ATG10: variants seen among roughly 807,000 people sequenced by gnomAD.
ATG10 encodes the protein autophagy related 10, also known as ubiquitin-like-conjugating enzyme ATG10.
In ATG10, 30 loss-of-function variants were observed where a neutral mutation model predicts 32.1. The ratio of observed to expected loss-of-function variants is 0.94; its 90% CI spans 0.70 to 1.27. The LOEUF (loss-of-function observed/expected upper bound fraction) is 1.27. Among genes scored for constraint, ATG10 ranks in the 50% most tolerant of loss-of-function variants. The pLI, the probability that ATG10 is intolerant of heterozygous loss-of-function variation, is 0.00. For missense variants in ATG10, 233 were observed against 262.3 expected, an observed-to-expected ratio of 0.89 and a Z score of 0.77; for synonymous variants, 87 against 91.5, an observed-to-expected ratio of 0.95 and a Z score of 0.28.
intron 5 of ATG10, among the ~76,000 whole-genome samples, chr5:82,203,829 A>G (rs1391512119): frequency 2.6e-5 from 4 of 152,202 alleles, no homozygotes. Context: ...TGGAGATAAA[A>G]GGATCTAACC....
chr5:82,253,901 A>G (rs1298351574), intron 7 of ATG10, among the ~76,000 whole-genome samples, 167 bp from the exon 8 acceptor site: 2 of 152,186 alleles, frequency 1.3e-5, no homozygotes, highest in African/African-American at 4.8e-5. Flanking sequence ...CCTGGTGCCA[A>G]AAAGGTTGGG....
chr5:81,972,518 C>T (rs1217872479), intron 1 of ATG10: 2 of 152,266 alleles, frequency 1.3e-5, no homozygotes, highest in South Asian at 2.1e-4. Context: ...GACACTCCCT[C>T]CTCGGGGACC....
At chr5:82,004,663 A>G (rs1761940762) in intron 2 of ATG10, among the ~76,000 whole-genome samples, 1 of 152,198 alleles carries the variant, frequency 6.6e-6, no homozygotes, top group African/African-American at 2.4e-5. Flanking sequence ...CCTAGGGTGC[A>G]TGACGAGTAT....
At chr5:82,191,712 T>G (rs1297092313) in intron 5 of ATG10, among the ~76,000 whole-genome samples, 1 of 152,212 alleles carries the variant, frequency 6.6e-6, no homozygotes. Context: ...GGTATTGTAT[T>G]ATTATTTTAA....
chr5:82,027,075 AAAAT>A (rs10601125), intron 2 of ATG10, among the ~76,000 whole-genome samples: 113,998 of 144,648 alleles, frequency 0.79, 47,495 homozygotes, highest in East Asian at 0.98. Flanking sequence ...ATGAATAAAT[AAAAT>A]AAATAAATAA....
At chr5:82,098,311 T>G (rs1313133157) in intron 3 of ATG10, among the ~76,000 whole-genome samples, 3 of 141,698 alleles carry the variant, frequency 2.1e-5, no homozygotes, top group Non-Finnish European at 3.1e-5. Flanking sequence ...TTGTTGGGTT[T>G]TTTTTTTTTT....
chr5:82,116,707 CTA>C (rs1765825372), intron 3 of ATG10, among the ~76,000 whole-genome samples: 2 of 152,102 alleles, frequency 1.3e-5, no homozygotes, highest in Admixed American at 6.6e-5. Context: ...CTCCCGAATC[CTA>C]TTTCAATCAG....
At chr5:81,977,948 G>A (rs1760915370) in intron 1 of ATG10, among the ~76,000 whole-genome samples, 1 of 152,166 alleles carries the variant, frequency 6.6e-6, no homozygotes, top group Admixed American at 6.5e-5. Flanking sequence ...TTACAAAAAT[G>A]TCCAACCATT....
At chr5:82,220,459 T>A (rs1158661774) in intron 5 of ATG10, among the ~76,000 whole-genome samples, 1 of 151,944 alleles carries the variant, frequency 6.6e-6, no homozygotes, top group African/African-American at 2.4e-5. Flanking sequence ...AGATGGGGTT[T>A]CACTGTGTTA....
At chr5:82,242,530 C>T (rs549188266) in intron 5 of ATG10, among the ~76,000 whole-genome samples, 3 of 151,988 alleles carry the variant, frequency 2.0e-5, no homozygotes, top group South Asian at 4.2e-4. Context: ...CTCATTGAAT[C>T]CCCCAGTGAA....
At chr5:82,227,122 T>C (rs1746162831) in intron 5 of ATG10, among the ~76,000 whole-genome samples, 1 of 152,080 alleles carries the variant, frequency 6.6e-6, no homozygotes, top group South Asian at 2.1e-4. Context: ...TTTCAGATCT[T>C]CTATTCCTAT....
At chr5:82,135,842 G>T (rs1240084248) in intron 3 of ATG10, among the ~76,000 whole-genome samples, 2 of 152,026 alleles carry the variant, frequency 1.3e-5, no homozygotes, top group African/African-American at 2.4e-5. Context: ...CACTATTATT[G>T]TGTGGGAGTC....
intron 2 of ATG10, among the ~76,000 whole-genome samples, chr5:81,993,336 C>CTTCTTTCTTTCTTTCTTTCTTTCT (rs376821435): frequency 1.0e-4 from 8 of 77,734 alleles, no homozygotes; most frequent in African/African-American, 4.5e-4. Flanking sequence ...TCCTTCCTTC[C>CTTCTTTCTTTCTTTCTTTCTTTCT]TTCTTTCTTT....
At chr5:82,174,370 G>C (rs1743928432) in intron 4 of ATG10, among the ~76,000 whole-genome samples, 1 of 152,054 alleles carries the variant, frequency 6.6e-6, no homozygotes, top group Non-Finnish European at 1.5e-5. Context: ...GAGACACAGA[G>C]GAAAAGCAAA....
chr5:82,195,490 G>T (rs952938202), intron 5 of ATG10, among the ~76,000 whole-genome samples: 6 of 152,168 alleles, frequency 3.9e-5, no homozygotes, highest in African/African-American at 1.4e-4. Context: ...GGAGGGGTTT[G>T]TATGGGAAGG....
At position 82,165,107 on chromosome 5, in the gene ATG10, C is replaced by A. The variant is rs189024537; in HGVS notation, c.355+570C>A. On this transcript the variant is annotated intron_variant, in intron 4 of 7. Transcript: ENST00000282185. ...TGGAATACCCTGTCTCCTTGGAGGC[C>A]TTAGCTAATAAAGCTTATTTAATCA... is the stretch of plus-strand genomic sequence containing the variant. Among the ~76,000 whole-genome samples the A allele has an allele frequency of 2.5e-3, 376 of 152,310 alleles. 2 individuals are homozygous for A. The highest frequency in any genetic ancestry group is 5.2e-3 in the Admixed American group (80 of 15,302).
intron 3 of ATG10, among the ~76,000 whole-genome samples, chr5:82,154,895 C>T (rs74449114): frequency 2.0e-3 from 307 of 152,324 alleles, no homozygotes; most frequent in African/African-American, 6.8e-3. Flanking sequence ...AGGGAAGGAA[C>T]TCATGGCTTA....
At chr5:82,033,908 ATG>A (rs892335484) in intron 2 of ATG10, among the ~76,000 whole-genome samples, 6 of 149,294 alleles carry the variant, frequency 4.0e-5, no homozygotes, top group African/African-American at 1.2e-4. Context: ...TATATGTACT[ATG>A]TATATATACT....
chr5:82,236,456 C>T (rs1183387149), intron 5 of ATG10, among the ~76,000 whole-genome samples: 1 of 152,160 alleles, frequency 6.6e-6, no homozygotes, highest in African/African-American at 2.4e-5. Context: ...TCAGACACTG[C>T]TCTCTAATCC....
Sources: gnomAD v4.1 joint callset for allele counts (sites outside exome capture counted in the v4.1 genomes callset) on GRCh38, gnomAD v4.1.1 for gene constraint, MANE v1.5 for transcripts, NCBI Gene and HGNC (gene_info 2026-07-23, HGNC 2026-07-21) for gene names.